The following CSMD3 variants were observed in gnomAD, a reference collection of about 807,000 sequenced individuals.
The protein encoded by CSMD3 is CUB and Sushi multiple domains 3.
In CSMD3, 177 loss-of-function variants were observed where a neutral mutation model predicts 435.2. The observed-to-expected ratio is 0.41, with a 90% CI of 0.36 to 0.46. The LOEUF is 0.46. CSMD3 is among the 20% of genes least tolerant of loss of function. The probability of loss-of-function intolerance (pLI) is 0.34; values close to 1 mark genes in which losing one functional copy is unlikely to be tolerated. For missense variants in CSMD3, 4,265 were observed against 4,504.6 expected, an observed-to-expected ratio of 0.95 and a Z score of 1.52; for synonymous variants, 1,656 against 1,520.5, an observed-to-expected ratio of 1.09 and a Z score of -2.07.
chr8:113,264,688 A>G (rs919264446), intron 3 of CSMD3, among the ~76,000 whole-genome samples: 5 of 151,644 alleles, frequency 3.3e-5, no homozygotes, highest in African/African-American at 1.2e-4. Flanking sequence ...ATTCATTAAA[A>G]TCATAAATAA....
chr8:113,184,985 A>G (rs1450397203), intron 3 of CSMD3, among the ~76,000 whole-genome samples: 1 of 151,976 alleles, frequency 6.6e-6, no homozygotes, highest in Non-Finnish European at 1.5e-5. Context: ...TAGAATCATC[A>G]CTGTGCTGGT....
In CSMD3 at chr8:113,384,321, T is replaced by C. The variant is rs567951296; in HGVS notation, c.178+52356A>G. Reference sequence around the variant, plus strand: ...ATATGTTTAATAAATGAATTCTGTTTCCTCTAAGAGAAAGCACTATTCATT... The same window carrying C: ...ATATGTTTAATAAATGAATTCTGTTCCCTCTAAGAGAAAGCACTATTCATT... On this transcript the variant is annotated intron_variant, in intron 1 of 70. Coordinates refer to ENST00000297405, the MANE Select transcript of CSMD3 (RefSeq NM_198123.2). 3.9e-5 allele frequency among the ~76,000 whole-genome samples: 6 copies of C among 152,292 alleles called. No homozygotes were observed. The East Asian group carries it at 1.2e-3, about 29-fold the overall frequency.
rs201327971 is a variant in CSMD3, at chr8:112,556,877, C to G, written c.4120G>C (p.Gly1374Arg). The G allele has an allele frequency of 6.2e-7, 1 of 1,611,994 alleles. No homozygotes were observed. Among genetic ancestry groups the G allele is most frequent in the Non-Finnish European group, 8.5e-7 (1 of 1,178,618 alleles). ...YKISDQGHFA[G>R]STIIYGCNPG... ...TTGCATCCATAAATGATGGTGCTAC[C>G]AGCAAAGTGGCCTTGGTCACTGATC... The change falls in exon 25 of 71, where the codon GGT (glycine) becomes CGT (arginine). Residue 1374 changes from glycine to arginine, a missense_variant. Around this residue, in one of 3 missense-constraint regions of CSMD3, gnomAD observed 3,255 missense variants for 3,380.2 expected, o/e 0.96. Coordinates refer to ENST00000297405, the MANE Select transcript of CSMD3 (RefSeq NM_198123.2).
intron 27 of CSMD3, among the ~76,000 whole-genome samples, chr8:112,541,337 T>C (rs1349941874): frequency 6.6e-6 from 1 of 151,696 alleles, no homozygotes; most frequent in Non-Finnish European, 1.5e-5. Flanking sequence ...CTAGAGTTGG[T>C]TTCTTGAAAA....
At chr8:113,089,423 A>G (rs1241319010) in intron 5 of CSMD3, among the ~76,000 whole-genome samples, 1 of 152,138 alleles carries the variant, frequency 6.6e-6, no homozygotes, top group Non-Finnish European at 1.5e-5. Flanking sequence ...CATAGTACTA[A>G]TTTAGAACAT....
In CSMD3 at chr8:112,341,557, AATAAG is replaced by A; in HGVS notation, c.6567_6571del (p.Leu2190GlnfsTer5). 6.2e-7 allele frequency: 1 copy of A among 1,613,474 alleles called. No individual in the cohort carries two copies. The highest frequency in any genetic ancestry group is 8.5e-7 in the Non-Finnish European group (1 of 1,179,526). Reference sequence around the variant, plus strand: ...TAAGCTGGTTTCATGGGTGGTGCTGAATAAGGAAGATGGTATTTGAGGACCACTAA... The same window carrying A: ...TAAGCTGGTTTCATGGGTGGTGCTGAGAAGATGGTATTTGAGGACCACTAA... On this transcript the variant is annotated frameshift_variant, in exon 42 of 71. Coordinates refer to ENST00000297405, the MANE Select transcript of CSMD3 (RefSeq NM_198123.2). LOFTEE classifies it high-confidence loss of function.
chr8:113,074,517 A>C (rs140856730), intron 5 of CSMD3, among the ~76,000 whole-genome samples: 2 of 151,886 alleles, frequency 1.3e-5, no homozygotes, highest in African/African-American at 4.8e-5. Context: ...CTAGGAAATT[A>C]GAATGTAAAT....
intron 13 of CSMD3, among the ~76,000 whole-genome samples, chr8:112,693,839 G>T (rs1182643327): frequency 1.3e-5 from 2 of 151,338 alleles, no homozygotes; most frequent in African/African-American, 4.8e-5. Context: ...CATTTTTAGG[G>T]ATTCTCTATT....
At chr8:113,021,509 C>G (rs1419514780) in intron 5 of CSMD3, among the ~76,000 whole-genome samples, 2 of 152,094 alleles carry the variant, frequency 1.3e-5, no homozygotes, top group Non-Finnish European at 2.9e-5. Context: ...AATGAGACTA[C>G]AATGCATGGA....
intron 5 of CSMD3, among the ~76,000 whole-genome samples, chr8:113,067,439 C>A (rs1001958424): frequency 3.9e-5 from 6 of 152,106 alleles, no homozygotes; most frequent in South Asian, 2.1e-4. Flanking sequence ...AGGATCCATT[C>A]ATGAATGCCT....
intron 4 of CSMD3, among the ~76,000 whole-genome samples, chr8:113,103,592 G>A (rs780277740): frequency 4.6e-5 from 7 of 151,936 alleles, no homozygotes; most frequent in African/African-American, 7.2e-5. Context: ...CAATTCCCTC[G>A]TAAGTTCTTA....
At chr8:112,442,182 C>T (rs540592740) in intron 32 of CSMD3, among the ~76,000 whole-genome samples, 2 of 152,132 alleles carry the variant, frequency 1.3e-5, no homozygotes, top group Admixed American at 6.5e-5. Context: ...ACAACCATGT[C>T]GAGTGTGAAC....
chr8:112,559,419 T>A (rs964154210), intron 24 of CSMD3, among the ~76,000 whole-genome samples: 2 of 151,842 alleles, frequency 1.3e-5, no homozygotes, highest in African/African-American at 2.4e-5. Flanking sequence ...AGCAGCAGAA[T>A]AAGCTCATTT....
At chr8:112,286,797 C>T (rs556765905) in intron 58 of CSMD3, among the ~76,000 whole-genome samples, 98 of 152,080 alleles carry the variant, frequency 6.4e-4, no homozygotes, top group African/African-American at 2.1e-3. Context: ...ATATTTTTAA[C>T]AAATATATAT....
At chr8:112,513,683 T>A (rs886596823) in intron 28 of CSMD3, among the ~76,000 whole-genome samples, 1 of 152,178 alleles carries the variant, frequency 6.6e-6, no homozygotes, top group Non-Finnish European at 1.5e-5. Flanking sequence ...ACAAAAACCT[T>A]CAATTTGTAA....
At chr8:112,867,132 G>C (rs113770844) in intron 10 of CSMD3, among the ~76,000 whole-genome samples, 2,486 of 152,254 alleles carry the variant, frequency 0.016, 81 homozygotes, top group African/African-American at 0.056. Flanking sequence ...CGGATGTTGA[G>C]AGAAATGGTG....
At chr8:113,209,119 G>T (rs1362840964) in intron 3 of CSMD3, among the ~76,000 whole-genome samples, 1 of 152,070 alleles carries the variant, frequency 6.6e-6, no homozygotes, top group Non-Finnish European at 1.5e-5. Context: ...TAAAAGTTTA[G>T]TAATATTTCA....
intron 3 of CSMD3, among the ~76,000 whole-genome samples, chr8:113,236,031 G>A (rs889622142): frequency 2.0e-5 from 3 of 152,068 alleles, no homozygotes; most frequent in Non-Finnish European, 4.4e-5. Flanking sequence ...ACATTTGGGG[G>A]CTAGAGACTT....
intron 3 of CSMD3, among the ~76,000 whole-genome samples, chr8:113,217,043 A>C (rs1347881933): frequency 6.6e-6 from 1 of 151,788 alleles, no homozygotes; most frequent in African/African-American, 2.4e-5. Flanking sequence ...TAATAAATAA[A>C]CTTCACCGAT....
Sources: gnomAD v4.1 joint callset for allele counts (sites outside exome capture counted in the v4.1 genomes callset) on GRCh38, gnomAD v4.1.1 for gene constraint, gnomAD v4.1.1 regional missense constraint, MANE v1.5 for transcripts, NCBI Gene and HGNC (gene_info 2026-07-23, HGNC 2026-07-21) for gene names.